SPDYA: variants seen among roughly 807,000 people sequenced by gnomAD.
SPDYA encodes speedy protein A.
A neutral mutation model predicts 36.7 loss-of-function variants in SPDYA; 11 were observed. That is an observed-to-expected ratio of 0.30 (90% CI 0.19 to 0.50). The LOEUF is 0.50. Among genes scored for constraint, SPDYA ranks in the 20% least tolerant of loss-of-function variants. The pLI is 0.98. For missense variants in SPDYA, 287 were observed against 370.9 expected, an observed-to-expected ratio of 0.77 and a Z score of 1.86; for synonymous variants, 115 against 118.7, an observed-to-expected ratio of 0.97 and a Z score of 0.20.
At chr2:28,817,017 G>A (rs929380649) in intron 3 of SPDYA, among the ~76,000 whole-genome samples, 14 of 152,122 alleles carry the variant, frequency 9.2e-5, no homozygotes, top group East Asian at 5.8e-4. Flanking sequence ...AAGGTCAGGC[G>A]CATTAAAGCA....
intron 6 of SPDYA, among the ~76,000 whole-genome samples, chr2:28,830,173 C>G (rs920259182): frequency 2.0e-5 from 3 of 147,970 alleles, no homozygotes; most frequent in African/African-American, 7.4e-5. Context: ...TTCTATTTTT[C>G]AGAGCAGCCT....
At chr2:28,814,847 C>T (rs1208222536) in intron 2 of SPDYA, among the ~76,000 whole-genome samples, 161 bp downstream of exon 2, 1 of 152,064 alleles carries the variant, frequency 6.6e-6, no homozygotes, top group Non-Finnish European at 1.5e-5. Context: ...AACTAATCAC[C>T]ACCAAAGAAG....
intron 7 of SPDYA, among the ~76,000 whole-genome samples, chr2:28,844,987 C>T (rs911828634): frequency 5.3e-5 from 8 of 152,102 alleles, no homozygotes; most frequent in African/African-American, 1.4e-4. Context: ...TGGGGTCTCA[C>T]ATTGCCCAGG....
intron 4 of SPDYA, among the ~76,000 whole-genome samples, chr2:28,820,660 G>A (rs561353415): frequency 1.0e-3 from 157 of 151,688 alleles, no homozygotes; most frequent in Non-Finnish European, 1.8e-3. Context: ...AATATTTCTC[G>A]TGCTAAGAAT....
Position 28,840,425 on chromosome 2 carries a change from T to C in SPDYA, c.806T>C (p.Met269Thr). 1 of 1,614,056 alleles carries C rather than the reference T, an allele frequency of 6.2e-7. No individual in the cohort carries two copies. The highest frequency in any genetic ancestry group is 8.5e-7 in the Non-Finnish European group (1 of 1,179,986). ...HSQDSYNSLSMDIIGDPSQAY... is the reference protein window; with the variant it reads ...HSQDSYNSLSTDIIGDPSQAY... ...CAGGACTCATACAACTCACTGTCAA[T>C]GGACATAATAGGTGATCCTTCTCAA... The change falls in exon 7 of 8, where the codon ATG becomes ACG. Residue 269 changes from methionine (M) to threonine (T), a missense_variant. Transcript: ENST00000334056.
intron 3 of SPDYA, among the ~76,000 whole-genome samples, chr2:28,818,440 T>TA (rs372056967): frequency 0.045 from 4,942 of 109,880 alleles, 324 homozygotes; most frequent in African/African-American, 0.14. Context: ...CCTGTCTCTT[T>TA]AAAAAAAAAA....
chr2:28,827,388 TC>T (rs1201823474), intron 5 of SPDYA, among the ~76,000 whole-genome samples: 1 of 152,248 alleles, frequency 6.6e-6, no homozygotes, highest in African/African-American at 2.4e-5. Context: ...AGTTCTATTT[TC>T]TTCTTTTTCA....
chr2:28,820,340 G>A lies in SPDYA; in HGVS notation c.294+1234G>A, dbSNP rs535300565. Among the ~76,000 whole-genome samples, 50 of 152,110 alleles carry A rather than the reference G, an allele frequency of 3.3e-4. 1 individual carries two copies. The South Asian group carries it at 8.1e-3, about 25-fold the overall frequency. On this transcript the variant is annotated intron_variant, in intron 4 of 7. Transcript: ENST00000334056. ...TGTCGCTCATACCTGTGATCCTAGC[G>A]CTTGGGATGCTGAGGCGGGCAGATC...
At chr2:28,838,780 C>T (rs903444282) in intron 6 of SPDYA, among the ~76,000 whole-genome samples, 6 of 151,922 alleles carry the variant, frequency 3.9e-5, no homozygotes, top group Admixed American at 1.3e-4. Flanking sequence ...AAGACCAGCC[C>T]GGCCAACATG....
chr2:28,848,029 T>C (rs1398664640), intron 7 of SPDYA, among the ~76,000 whole-genome samples: 1 of 152,236 alleles, frequency 6.6e-6, no homozygotes, highest in Non-Finnish European at 1.5e-5. Context: ...GTAAGTACAC[T>C]ATGTAATGTT....
chr2:28,836,736 A>G (rs1668615239), intron 6 of SPDYA, among the ~76,000 whole-genome samples: 2 of 152,188 alleles, frequency 1.3e-5, no homozygotes, highest in African/African-American at 4.8e-5. Flanking sequence ...GGTTGTGATT[A>G]AATTGGAAAA....
chr2:28,823,741 A>G (rs1452052158), intron 5 of SPDYA, among the ~76,000 whole-genome samples: 1 of 54,102 alleles, frequency 1.8e-5, no homozygotes, highest in Non-Finnish European at 3.4e-5. Flanking sequence ...ATATATATAT[A>G]TATAAAATTT....
rs533477112 is a variant in SPDYA at position 28,814,545 on chromosome 2, A to G, written c.-92-68A>G. ...AAGGTGGCTCTAAAAATACAAAATT[A>G]CATATGTGGCTTACATTATATTGGA... On this transcript the variant is annotated intron_variant, in intron 1 of 7. Transcript: ENST00000334056. 4 of 152,352 alleles carry G rather than the reference A, an allele frequency of 2.6e-5. No individual in the cohort carries two copies. The South Asian group carries it at 8.3e-4, about 32-fold the overall frequency. 9.4% of individuals were successfully genotyped at this position (152,352 alleles called of 1,614,324 possible). A position where few individuals can be genotyped will look rare whatever the true frequency, so the allele number is the denominator to read the frequency against.
At chr2:28,836,182 C>T (rs1668596000) in intron 6 of SPDYA, among the ~76,000 whole-genome samples, 1 of 152,162 alleles carries the variant, frequency 6.6e-6, no homozygotes, top group African/African-American at 2.4e-5. Flanking sequence ...GCTAATGAAA[C>T]TGAGGACCGA....
At chr2:28,825,495 C>T (rs1668294242) in intron 5 of SPDYA, among the ~76,000 whole-genome samples, 2 of 149,518 alleles carry the variant, frequency 1.3e-5, no homozygotes, top group South Asian at 2.1e-4. Context: ...AATAGTTCTC[C>T]TCGTTAAATA....
At chr2:28,816,343 T>C (rs1171229199) in intron 3 of SPDYA, 94 bp downstream of exon 3, 1 of 961,468 alleles carries the variant, frequency 1.0e-6, no homozygotes, top group African/African-American at 1.7e-5. Flanking sequence ...AAAGAGGATA[T>C]CATTATTTTT....
At chr2:28,812,857 CAAAAAA>C (rs70956047) in intron 1 of SPDYA, among the ~76,000 whole-genome samples, 253 of 84,030 alleles carry the variant, frequency 3.0e-3, no homozygotes, top group Middle Eastern at 0.013. Flanking sequence ...AACTCCGTCT[CAAAAAA>C]AAAAAAAAAA....
At chr2:28,845,904 T>G (rs1320224972) in intron 7 of SPDYA, among the ~76,000 whole-genome samples, 1 of 152,202 alleles carries the variant, frequency 6.6e-6, no homozygotes, top group Non-Finnish European at 1.5e-5. Flanking sequence ...AAGCTCTGAT[T>G]TAACAGTTTT....
In SPDYA at chr2:28,823,744, TA is replaced by T. The variant is rs1477965281; in HGVS notation, c.380+1338del. 4.7e-5 allele frequency among the ~76,000 whole-genome samples: 4 copies of T among 85,422 alleles called. 1 individual carries two copies. In the South Asian group the frequency reaches 1.8e-3, roughly 39 times the overall value. The allele number at this position is 85,422 out of a possible 152,430, so 56.0% of individuals were successfully genotyped here. A position where few individuals can be genotyped will look rare whatever the true frequency, so the allele number is the denominator to read the frequency against. On this transcript the variant is annotated intron_variant, in intron 5 of 7. Transcript: ENST00000334056. ...ATATATATATATATATATATATATA[TA>T]AAATTTTTTTTTTTTTTTGAGATGG...
Sources: allele counts gnomAD v4.1 joint callset (sites outside exome capture counted in the v4.1 genomes callset), GRCh38; gene constraint gnomAD v4.1.1; transcripts MANE v1.5; gene names NCBI Gene and HGNC (gene_info 2026-07-23, HGNC 2026-07-21).